UBE2L3: variants seen among roughly 807,000 people sequenced by gnomAD.
UBE2L3 encodes ubiquitin-conjugating enzyme E2 L3.
A neutral mutation model predicts 17.8 loss-of-function variants in UBE2L3; 1 was observed. The ratio of observed to expected loss-of-function variants is 0.06; its 90% CI spans 0.02 to 0.27. The LOEUF (loss-of-function observed/expected upper bound fraction) is 0.27, where lower values mean the gene tolerates loss of function less well. Ranked by LOEUF, UBE2L3 falls within the 10% of genes least tolerant of loss-of-function variation. The pLI is 1.00. For synonymous variants in UBE2L3, 44 were observed against 68.5 expected, an observed-to-expected ratio of 0.64 and a Z score of 1.76; for missense variants, 40 against 192.6, an observed-to-expected ratio of 0.21 and a Z score of 4.69.
chr22:21,597,394 A>G (rs1169029292), intron 2 of UBE2L3, among the ~76,000 whole-genome samples: 1 of 151,552 alleles, frequency 6.6e-6, no homozygotes, highest in Non-Finnish European at 1.5e-5. Context: ...GCAGCCCCAG[A>G]CTCCTGGGCT....
chr22:21,615,911 TGCTTTGGCCCCAAACGTG>T (rs1340384865), intron 3 of UBE2L3, among the ~76,000 whole-genome samples: 6 of 152,228 alleles, frequency 3.9e-5, no homozygotes, highest in African/African-American at 9.6e-5. Flanking sequence ...TTGGTGATTT[TGCTTTGGCCCCAAACGTG>T]GTGCTGAAGT....
At chr22:21,571,609 CCA>C in intron 1 of UBE2L3, among the ~76,000 whole-genome samples, 1 of 152,268 alleles carries the variant, frequency 6.6e-6, no homozygotes, top group South Asian at 2.1e-4. Context: ...ACCATGTTTG[CCA>C]TGCTGGTCTC....
rs367925542 is a variant in UBE2L3, at chr22:21,601,947, C to T, written c.124-8910C>T. Among the ~76,000 whole-genome samples the T allele has an allele frequency of 2.0e-4, 28 of 141,508 alleles. No homozygotes were observed. In the East Asian group the frequency reaches 5.7e-3, roughly 29 times the overall value. The allele number at this position is 141,508 out of a possible 152,430, so 92.8% of individuals were successfully genotyped here. A position where few individuals can be genotyped will look rare whatever the true frequency, so the allele number is the denominator to read the frequency against. ...AGATTGCGCCACTGAACTCCAGCCT[C>T]AGCGACAGAGACTCCATCTCAAAAA... On this transcript the variant is annotated intron_variant, in intron 2 of 3. Transcript: ENST00000342192.
At chr22:21,575,339 A>G (rs1434282725) in intron 1 of UBE2L3, among the ~76,000 whole-genome samples, 1 of 149,368 alleles carries the variant, frequency 6.7e-6, no homozygotes, top group Non-Finnish European at 1.5e-5. Flanking sequence ...GAATCCCAGC[A>G]CTTTGAGAGG....
chr22:21,610,820 C>T (rs1323232001), intron 2 of UBE2L3, 37 bp from the exon 3 acceptor site: 1 of 1,552,676 alleles, frequency 6.4e-7, no homozygotes, highest in East Asian at 2.3e-5. Context: ...GGTTTATGAA[C>T]CATGGTGTGT....
intron 2 of UBE2L3, among the ~76,000 whole-genome samples, chr22:21,593,742 C>T (rs900527166): frequency 6.6e-6 from 1 of 152,154 alleles, no homozygotes; most frequent in Non-Finnish European, 1.5e-5. Flanking sequence ...ACCTCTAGCT[C>T]GGCAGTGCTG....
At chr22:21,580,879 C>G (rs1927584281) in intron 1 of UBE2L3, among the ~76,000 whole-genome samples, 1 of 151,910 alleles carries the variant, frequency 6.6e-6, no homozygotes, top group East Asian at 1.9e-4. Flanking sequence ...GCCACCATGC[C>G]TGGCCTCTTT....
chr22:21,574,617 A>G (rs1927162191), intron 1 of UBE2L3, among the ~76,000 whole-genome samples: 1 of 152,108 alleles, frequency 6.6e-6, no homozygotes, highest in Non-Finnish European at 1.5e-5. Flanking sequence ...GTACTCTCTT[A>G]TTCTGTAGGT....
chr22:21,590,997 G>A (rs1928234292), intron 1 of UBE2L3, among the ~76,000 whole-genome samples: 2 of 152,204 alleles, frequency 1.3e-5, no homozygotes, highest in African/African-American at 4.8e-5. Context: ...GGAGGTGGCA[G>A]TGTGGGTGTG....
intron 2 of UBE2L3, among the ~76,000 whole-genome samples, chr22:21,602,807 C>G (rs1403458877): frequency 1.3e-5 from 2 of 152,208 alleles, no homozygotes; most frequent in Admixed American, 1.3e-4. Context: ...AGAAAAGGGC[C>G]AGTTCCCCTC....
At chr22:21,586,523 G>A (rs964653791) in intron 1 of UBE2L3, among the ~76,000 whole-genome samples, 3 of 149,658 alleles carry the variant, frequency 2.0e-5, no homozygotes, top group Non-Finnish European at 4.4e-5. Flanking sequence ...CGCCCACCTC[G>A]GCCTCCCAAA....
intron 1 of UBE2L3, among the ~76,000 whole-genome samples, chr22:21,581,404 G>A (rs1927629428): frequency 6.6e-6 from 1 of 151,956 alleles, no homozygotes; most frequent in African/African-American, 2.4e-5. Context: ...TGCCTAGGCT[G>A]GTCTTGAACT....
chr22:21,586,514 G>T (rs952736695), intron 1 of UBE2L3, among the ~76,000 whole-genome samples: 1 of 149,460 alleles, frequency 6.7e-6, no homozygotes, highest in Non-Finnish European at 1.5e-5. Flanking sequence ...CAAGTGATCC[G>T]CCCACCTCGG....
At chr22:21,613,311 C>T (rs1335771999) in intron 3 of UBE2L3, among the ~76,000 whole-genome samples, 1 of 152,222 alleles carries the variant, frequency 6.6e-6, no homozygotes, top group African/African-American at 2.4e-5. Context: ...CTTTTTCAGA[C>T]TGTGGCTGCT....
intron 1 of UBE2L3, among the ~76,000 whole-genome samples, chr22:21,588,467 T>C (rs573640896): frequency 4.9e-4 from 69 of 141,478 alleles, no homozygotes; most frequent in African/African-American, 1.3e-3. Flanking sequence ...TTCTTTCTTT[T>C]TTTTTTTTTT....
chr22:21,610,629 G>A (rs1282611266), intron 2 of UBE2L3, among the ~76,000 whole-genome samples: 1 of 152,138 alleles, frequency 6.6e-6, no homozygotes, highest in Non-Finnish European at 1.5e-5. Context: ...TTTTAAAAAA[G>A]TATGAAGAGA....
At chr22:21,565,838 C>T (rs987111750), upstream of UBE2L3, among the ~76,000 whole-genome samples, 27 of 147,244 alleles carry the variant, frequency 1.8e-4, no homozygotes, top group Non-Finnish European at 3.4e-4. Context: ...GTTCTTCTCT[C>T]TGCATTGCTA....
chr22:21,583,607 G>A (rs1927762411), intron 1 of UBE2L3, among the ~76,000 whole-genome samples: 1 of 152,214 alleles, frequency 6.6e-6, no homozygotes, highest in Non-Finnish European at 1.5e-5. Context: ...ACTCAAGAGG[G>A]TGTATAGTAC....
Position 21,623,260 on chromosome 22 carries a change from A to G in UBE2L3, c.*1591A>G, listed in dbSNP as rs1449926960. On this transcript the variant is annotated 3_prime_UTR_variant, in exon 4 of 4. Coordinates refer to ENST00000342192, the MANE Select transcript of UBE2L3 (RefSeq NM_003347.4). ...GTGGGGAGTGATGGGCAGGTTCGGC[A>G]GCCTAACATTGTTCAGGCGCATGGC... 1 of 152,470 alleles carries G rather than the reference A, an allele frequency of 6.6e-6. No homozygotes were observed. The highest frequency in any genetic ancestry group is 1.5e-5 in the Non-Finnish European group (1 of 68,070). The allele number at this position is 152,470 out of a possible 1,614,324, so 9.4% of individuals were successfully genotyped here. A position where few individuals can be genotyped will look rare whatever the true frequency, so the allele number is the denominator to read the frequency against.
Sources: allele counts gnomAD v4.1 joint callset (sites outside exome capture counted in the v4.1 genomes callset), GRCh38; gene constraint gnomAD v4.1.1; transcripts MANE v1.5; gene names NCBI Gene and HGNC (gene_info 2026-07-23, HGNC 2026-07-21).